Variants in ARHGAP26 observed in about 807,000 individuals in gnomAD.
The protein encoded by ARHGAP26 is rho GTPase-activating protein 26.
ARHGAP26 carries 38 observed loss-of-function variants against 104.8 expected under a neutral mutation model. The observed-to-expected ratio is 0.36, with a 90% confidence interval of 0.28 to 0.48. The LOEUF is 0.48. Ranked by LOEUF, ARHGAP26 falls within the 20% of genes least tolerant of loss-of-function variation. The pLI is 0.99. For synonymous variants in ARHGAP26, 341 were observed against 340.0 expected, an observed-to-expected ratio of 1.00 and a Z score of -0.03; for missense variants, 704 against 947.9, an observed-to-expected ratio of 0.74 and a Z score of 3.38.
chr5:143,018,201 TC>T (rs1199981981), intron 12 of ARHGAP26, among the ~76,000 whole-genome samples: 1 of 152,238 alleles, frequency 6.6e-6, no homozygotes, highest in Non-Finnish European at 1.5e-5. Context: ...TACCATCTTT[TC>T]TTTTTGATAT....
At chr5:142,886,204 G>A (rs1757674317) in intron 5 of ARHGAP26, among the ~76,000 whole-genome samples, 1 of 152,162 alleles carries the variant, frequency 6.6e-6, no homozygotes, top group African/African-American at 2.4e-5. Flanking sequence ...TTTGCCAAAA[G>A]AGGCTACCGT....
rs553624837 is a variant in ARHGAP26 at position 142,854,471 on chromosome 5, C to G, written c.155-18929C>G. On this transcript the variant is annotated intron_variant, in intron 1 of 22. Coordinates refer to ENST00000645722, the MANE Select transcript of ARHGAP26 (RefSeq NM_001135608.3). ...TCAGTTTTGTTCAGTGTCTTATTCT[C>G]CATGCCTCCCACAGTCCCTGAAATA... is the stretch of plus-strand genomic sequence containing the variant. Among the ~76,000 whole-genome samples, 7 of 152,288 alleles carry G rather than the reference C, an allele frequency of 4.6e-5. No homozygotes were observed. In the South Asian group the frequency reaches 1.5e-3, roughly 32 times the overall value.
At chr5:142,940,459 C>T (rs1345406428) in intron 11 of ARHGAP26, among the ~76,000 whole-genome samples, 1 of 152,016 alleles carries the variant, frequency 6.6e-6, no homozygotes, top group Non-Finnish European at 1.5e-5. Context: ...TTTCCTGATC[C>T]TCTCCCTCCT....
At chr5:143,067,621 A>G (rs1431655396) in intron 17 of ARHGAP26, among the ~76,000 whole-genome samples, 1 of 152,160 alleles carries the variant, frequency 6.6e-6, no homozygotes, top group Non-Finnish European at 1.5e-5. Flanking sequence ...CCAATTTGGT[A>G]TTATAAGTCA....
intron 20 of ARHGAP26, among the ~76,000 whole-genome samples, chr5:143,173,788 G>A (rs1278747519): frequency 6.6e-6 from 1 of 152,174 alleles, no homozygotes; most frequent in Non-Finnish European, 1.5e-5. Flanking sequence ...GTCATGCTGT[G>A]TGGAAGGGAG....
At chr5:142,852,946 C>G (rs1276255572) in intron 1 of ARHGAP26, among the ~76,000 whole-genome samples, 2 of 152,210 alleles carry the variant, frequency 1.3e-5, no homozygotes, top group Non-Finnish European at 2.9e-5. Flanking sequence ...ATCAGAGTCT[C>G]TCTTTTGCAG....
intron 11 of ARHGAP26, among the ~76,000 whole-genome samples, chr5:142,989,860 G>A (rs1598508338): frequency 2.0e-5 from 3 of 152,140 alleles, no homozygotes; most frequent in African/African-American, 4.8e-5. Context: ...TGGATAACCC[G>A]ACCTTTCTCT....
At chr5:143,122,927 T>C (rs1339959290) in intron 18 of ARHGAP26, among the ~76,000 whole-genome samples, 2 of 152,212 alleles carry the variant, frequency 1.3e-5, no homozygotes. Flanking sequence ...ATTTAACACA[T>C]AGGACTTCAC....
intron 21 of ARHGAP26, among the ~76,000 whole-genome samples, chr5:143,213,110 A>C (rs1436933753): frequency 6.6e-6 from 1 of 152,160 alleles, no homozygotes; most frequent in Non-Finnish European, 1.5e-5. Context: ...GCACCACTGC[A>C]CTCCAGCCTG....
chr5:143,033,575 G>T (rs949435772), intron 12 of ARHGAP26, among the ~76,000 whole-genome samples: 3 of 152,158 alleles, frequency 2.0e-5, no homozygotes, highest in Non-Finnish European at 2.9e-5. Flanking sequence ...GACCACTGGG[G>T]TCATCACTGT....
rs1270716226 is a variant in ARHGAP26 at position 142,797,007 on chromosome 5, G to GTAA, written c.154+26092_154+26093insTAA. Reference sequence around the variant, plus strand: ...TAGCCTGGTTGGCTATATCATCTGTGCAATAAGAATCCAAAAGTTGTTGGA... The same window carrying GTAA: ...TAGCCTGGTTGGCTATATCATCTGTGTAACAATAAGAATCCAAAAGTTGTTGGA... On this transcript the variant is annotated intron_variant, in intron 1 of 22. Transcript: ENST00000645722. 1.2e-4 allele frequency among the ~76,000 whole-genome samples: 18 copies of GTAA among 152,340 alleles called. No homozygotes were observed. The South Asian group carries it at 3.7e-3, about 32-fold the overall frequency.
At chr5:142,826,231 C>T (rs1280597482) in intron 1 of ARHGAP26, among the ~76,000 whole-genome samples, 2 of 152,156 alleles carry the variant, frequency 1.3e-5, no homozygotes, top group South Asian at 2.1e-4. Flanking sequence ...TATCAGGGAA[C>T]GGAGGCTGCT....
intron 11 of ARHGAP26, among the ~76,000 whole-genome samples, chr5:142,965,847 T>C (rs1771233261): frequency 6.6e-6 from 1 of 152,228 alleles, no homozygotes. Flanking sequence ...ACAGTGATTT[T>C]GTTGGTCTCG....
At chr5:142,880,207 G>T (rs891092673) in intron 4 of ARHGAP26, among the ~76,000 whole-genome samples, 2 of 152,164 alleles carry the variant, frequency 1.3e-5, no homozygotes, top group African/African-American at 2.4e-5. Context: ...ATTCTCCAGG[G>T]CTCCTTTGCC....
chr5:143,097,011 A>C (rs545405601), intron 17 of ARHGAP26, among the ~76,000 whole-genome samples: 4 of 151,600 alleles, frequency 2.6e-5, no homozygotes, highest in Non-Finnish European at 5.9e-5. Flanking sequence ...TTGGGAGGCC[A>C]AGGCAGATGG....
chr5:142,847,332 C>T (rs986530217), intron 1 of ARHGAP26, among the ~76,000 whole-genome samples: 1 of 151,950 alleles, frequency 6.6e-6, no homozygotes, highest in African/African-American at 2.4e-5. Context: ...GCTTAGGTCA[C>T]ACAGCGAATA....
At chr5:142,772,526 G>A (rs1439321607) in intron 1 of ARHGAP26, among the ~76,000 whole-genome samples, 1 of 152,232 alleles carries the variant, frequency 6.6e-6, no homozygotes, top group Non-Finnish European at 1.5e-5. Context: ...GGCACTAAGG[G>A]TGTAGGAGTG....
intron 19 of ARHGAP26, among the ~76,000 whole-genome samples, chr5:143,134,361 T>C (rs773407226): frequency 2.0e-5 from 3 of 152,038 alleles, no homozygotes; most frequent in Non-Finnish European, 2.9e-5. Flanking sequence ...AACAGCTGAG[T>C]CTCTTTTCCT....
At chr5:143,054,280 T>G (rs1785467323) in intron 14 of ARHGAP26, among the ~76,000 whole-genome samples, 159 bp from the exon 15 acceptor site, 1 of 152,248 alleles carries the variant, frequency 6.6e-6, no homozygotes, top group South Asian at 2.1e-4. Flanking sequence ...ATTGGAATTT[T>G]TAGACATTTT....
Sources: gnomAD v4.1 joint callset for allele counts (sites outside exome capture counted in the v4.1 genomes callset) on GRCh38, gnomAD v4.1.1 for gene constraint, MANE v1.5 for transcripts, NCBI Gene and HGNC (gene_info 2026-07-23, HGNC 2026-07-21) for gene names.